ADRA1B: variants seen among roughly 807,000 people sequenced by gnomAD.
The protein encoded by ADRA1B is adrenoceptor alpha 1B.
ADRA1B carries 17 observed loss-of-function variants against 17.9 expected under a neutral mutation model. That is an observed-to-expected ratio of 0.95 (90% confidence interval 0.65 to 1.42). ADRA1B has a LOEUF of 1.42. Ranked by LOEUF, ADRA1B falls within the 40% of genes most tolerant of loss-of-function variation. The probability of loss-of-function intolerance (pLI) is 0.00; values close to 1 mark genes in which losing one functional copy is unlikely to be tolerated. For synonymous variants in ADRA1B, 366 were observed against 327.6 expected, an observed-to-expected ratio of 1.12 and a Z score of -1.27; for missense variants, 681 against 722.1, an observed-to-expected ratio of 0.94 and a Z score of 0.65.
chr5:159,950,370 A>G, intron 1 of ADRA1B: 1 of 611,882 alleles, frequency 1.6e-6, no homozygotes, highest in Non-Finnish European at 3.0e-6. Context: ...GGGGGTCTGT[A>G]TGGAAACTGT....
At chr5:159,962,716 C>T (rs1581068815) in intron 1 of ADRA1B, among the ~76,000 whole-genome samples, 1 of 147,014 alleles carries the variant, frequency 6.8e-6, no homozygotes, top group East Asian at 2.0e-4. Context: ...TATTGCCCAG[C>T]CTGGAATGCA....
rs547379266 is a variant in ADRA1B at position 159,900,325 on chromosome 5, T to C, written c.-255-15794T>C. ...AATTAATAGGTTAAATTGAGAAGCATTGACATCCTTACAGTGCTCCCAGAA... is the reference window on the plus strand; with the variant it reads ...AATTAATAGGTTAAATTGAGAAGCACTGACATCCTTACAGTGCTCCCAGAA... On this transcript the variant is annotated intron_variant, in intron 1 of 2. Transcript: ENST00000641205. 1.4e-4 allele frequency among the ~76,000 whole-genome samples: 22 copies of C among 152,352 alleles called. 1 individual carries two copies. In the Middle Eastern group the frequency reaches 0.01, roughly 71 times the overall value.
chr5:159,899,839 T>A (rs1416808811), intron 1 of ADRA1B, among the ~76,000 whole-genome samples: 1 of 152,232 alleles, frequency 6.6e-6, no homozygotes, highest in African/African-American at 2.4e-5. Flanking sequence ...ATCTTTCTCC[T>A]TTCTGTATCT....
At chr5:159,973,767 CAG>C (rs773277692), downstream of ADRA1B, among the ~76,000 whole-genome samples, 2 of 152,190 alleles carry the variant, frequency 1.3e-5, no homozygotes, top group Non-Finnish European at 2.9e-5. Flanking sequence ...GTATGAAGAG[CAG>C]AGACTTACTT....
chr5:159,910,514 A>G (rs906787563), intron 1 of ADRA1B, among the ~76,000 whole-genome samples: 16 of 152,312 alleles, frequency 1.1e-4, no homozygotes, highest in African/African-American at 3.6e-4. Flanking sequence ...AATTAAGAGC[A>G]TTAGACTAGA....
Position 159,891,948 on chromosome 5 carries a change from C to T in ADRA1B, c.-255-24171C>T, listed in dbSNP as rs577575635. Among the ~76,000 whole-genome samples the T allele has an allele frequency of 2.0e-4, 31 of 152,292 alleles. 1 individual carries two copies. In the South Asian group the frequency reaches 6.2e-3, roughly 31 times the overall value. ...GGTTCCTCGTGATAAATGAAAGTAACAGCTATCTGGCCAGGCGCGCTGGCT... is the reference window on the plus strand; with the variant it reads ...GGTTCCTCGTGATAAATGAAAGTAATAGCTATCTGGCCAGGCGCGCTGGCT... On this transcript the variant is annotated intron_variant, in intron 1 of 2. Coordinates refer to the ADRA1B transcript ENST00000641205.
the ADRA1B span, among the ~76,000 whole-genome samples, chr5:159,979,899 G>A: frequency 7.9e-5 from 12 of 151,340 alleles, 1 homozygote; most frequent in South Asian, 2.5e-3. Flanking sequence ...CAAGTAGAGA[G>A]GGCAAGAAGG....
chr5:159,952,772 A>G (rs192381391), intron 1 of ADRA1B, among the ~76,000 whole-genome samples: 4 of 152,342 alleles, frequency 2.6e-5, no homozygotes, highest in Non-Finnish European at 4.4e-5. Flanking sequence ...TATAAAATTC[A>G]GATCCCCACT....
chr5:159,927,499 A>G (rs1259817547), intron 1 of ADRA1B, among the ~76,000 whole-genome samples: 1 of 152,038 alleles, frequency 6.6e-6, no homozygotes, highest in Non-Finnish European at 1.5e-5. Flanking sequence ...TTTCTTTAAT[A>G]TCAGATTATT....
Position 159,917,555 on chromosome 5 carries a change from CG to C in ADRA1B, c.652del (p.Val218SerfsTer3). On this transcript the variant is annotated frameshift_variant, in exon 1 of 2. Coordinates refer to ENST00000306675, the MANE Select transcript of ADRA1B (RefSeq NM_000679.4). LOFTEE classifies it high-confidence loss of function. Reference sequence around the variant, plus strand: ...CTGGGCTCCTTCTACATCCCTCTGGCGGTCATTCTAGTCATGTACTGCCGTG... The same window carrying C: ...CTGGGCTCCTTCTACATCCCTCTGGCGTCATTCTAGTCATGTACTGCCGTG... ...SSLGSFYIPL[A>X]VILVMYCRVY... is the part of the protein sequence containing the mutation. The C allele has an allele frequency of 6.2e-7, 1 of 1,613,990 alleles. No homozygotes were observed. Among genetic ancestry groups the C allele is most frequent in the Non-Finnish European group, 8.5e-7 (1 of 1,179,980 alleles).
chr5:159,875,246 T>C (rs1268257056), intron 1 of ADRA1B, among the ~76,000 whole-genome samples: 1 of 152,144 alleles, frequency 6.6e-6, no homozygotes, highest in African/African-American at 2.4e-5. Context: ...GGATAAAAGC[T>C]TGTTGGCTTG....
At chr5:159,923,679 G>T (rs1480131407) in intron 1 of ADRA1B, among the ~76,000 whole-genome samples, 1 of 152,260 alleles carries the variant, frequency 6.6e-6, no homozygotes, top group Non-Finnish European at 1.5e-5. Flanking sequence ...CAACCCAAAA[G>T]CCAGGGGCTG....
intron 1 of ADRA1B, among the ~76,000 whole-genome samples, chr5:159,878,552 G>A (rs987655725): frequency 3.9e-5 from 6 of 152,168 alleles, no homozygotes; most frequent in African/African-American, 1.4e-4. Flanking sequence ...TTTCCCCCAG[G>A]TAGCACATAT....
chr5:159,880,699 AC>A (rs1225573865), intron 1 of ADRA1B, among the ~76,000 whole-genome samples: 53 of 152,182 alleles, frequency 3.5e-4, no homozygotes, highest in Admixed American at 3.3e-3. Flanking sequence ...TTTTATTTCT[AC>A]CCATCCAAGT....
At chr5:159,929,067 C>G (rs1439175198) in intron 1 of ADRA1B, 1 of 152,130 alleles carries the variant, frequency 6.6e-6, no homozygotes, top group Non-Finnish European at 1.5e-5. Context: ...TCCATTGTTT[C>G]GCGGACCCCT....
chr5:159,943,889 T>TTC (rs34807519), intron 1 of ADRA1B, among the ~76,000 whole-genome samples: 1 of 139,746 alleles, frequency 7.2e-6, no homozygotes. Flanking sequence ...TTGGCTCTCA[T>TTC]TCTCTCTCTC....
At position 159,917,084 on chromosome 5, in the gene ADRA1B, T is replaced by C; in HGVS notation, c.179T>C (p.Ile60Thr). Residue 60 changes from isoleucine (I) to threonine (T), a missense_variant, in exon 1 of 2, where the codon ATC (isoleucine) becomes ACC (threonine). Physicochemically the swap from Ile to Thr is moderately conservative, Grantham distance 89. This residue lies in a region of ADRA1B where 424 missense variants were observed against 480.2 expected (regional missense o/e 0.88). Transcript: ENST00000306675. Reference sequence around the variant, plus strand: ...CTGGGCGCCTTCATCCTCTTTGCCATCGTGGGCAACATCCTAGTCATCTTG... The same window carrying C: ...CTGGGCGCCTTCATCCTCTTTGCCACCGTGGGCAACATCCTAGTCATCTTG... ...LVLGAFILFA[I>T]VGNILVILSV... 6.2e-7 allele frequency: 1 copy of C among 1,614,104 alleles called. No homozygotes were observed. The highest frequency in any genetic ancestry group is 8.5e-7 in the Non-Finnish European group (1 of 1,180,002).
intron 1 of ADRA1B, among the ~76,000 whole-genome samples, chr5:159,963,425 G>A (rs190950577): frequency 6.6e-6 from 1 of 152,108 alleles, no homozygotes; most frequent in African/African-American, 2.4e-5. Context: ...TAGCTCTGTG[G>A]CCTCGGGCAA....
intron 1 of ADRA1B, among the ~76,000 whole-genome samples, chr5:159,893,508 G>T (rs566059798): frequency 6.3e-4 from 96 of 152,308 alleles, no homozygotes; most frequent in Non-Finnish European, 1.2e-3. Context: ...GTTGCAAAAT[G>T]AAGTGGAAAA....
Sources: allele counts gnomAD v4.1 joint callset (sites outside exome capture counted in the v4.1 genomes callset), GRCh38; gene constraint gnomAD v4.1.1; regional missense constraint gnomAD v4.1.1; transcripts MANE v1.5; gene names NCBI Gene and HGNC (gene_info 2026-07-23, HGNC 2026-07-21).